MTUS1: variants seen among roughly 807,000 people sequenced by gnomAD.
The protein encoded by MTUS1 is microtubule-associated tumor suppressor 1.
A neutral mutation model predicts 120.8 loss-of-function variants in MTUS1; 109 were observed. The ratio of observed to expected loss-of-function variants is 0.90; its 90% CI spans 0.77 to 1.06. The LOEUF is 1.06. Among genes scored for constraint, MTUS1 ranks in the 50% least tolerant of loss-of-function variants. MTUS1 has a pLI of 0.00. For synonymous variants in MTUS1, 737 were observed against 550.5 expected (o/e 1.34, Z -4.74); for missense variants, 2,210 against 1,486.3 (o/e 1.49, Z -8.01).
intron 4 of MTUS1, chr8:17,721,800 G>A (rs1563266195): frequency 6.2e-7 from 1 of 1,614,164 alleles, no homozygotes; most frequent in Non-Finnish European, 8.5e-7. Flanking sequence ...TAGCATCATA[G>A]TGCCTCTCTG....
At chr8:17,750,651 T>C (rs6586641) in intron 2 of MTUS1, among the ~76,000 whole-genome samples, 97,068 of 152,036 alleles carry the variant, frequency 0.64, 33,245 homozygotes, top group Non-Finnish European at 0.76. Context: ...CCTGTTGTTA[T>C]TGGGAAGAGT....
At chr8:17,654,843 C>T (rs1163921190) in intron 9 of MTUS1, 177 bp from the exon 10 acceptor site, 3 of 590,172 alleles carry the variant, frequency 5.1e-6, no homozygotes, top group African/African-American at 1.9e-5. Context: ...AACCTCAGCA[C>T]TCTGGGAGGC....
At chr8:17,759,597 TTA>T (rs550552810) in intron 1 of MTUS1, among the ~76,000 whole-genome samples, 9 of 147,370 alleles carry the variant, frequency 6.1e-5, no homozygotes, top group Non-Finnish European at 1.0e-4. Context: ...TATGTATATT[TTA>T]TATATATATA....
chr8:17,713,468 G>A (rs987691307), intron 5 of MTUS1, among the ~76,000 whole-genome samples: 3 of 152,010 alleles, frequency 2.0e-5, no homozygotes, highest in African/African-American at 4.8e-5. Context: ...AGTATGATAT[G>A]AAGTCACCAC....
At chr8:17,711,472 C>G (rs1821293165) in intron 6 of MTUS1, among the ~76,000 whole-genome samples, 2 of 151,988 alleles carry the variant, frequency 1.3e-5, no homozygotes, top group East Asian at 3.9e-4. Flanking sequence ...TTCTGCAGCT[C>G]CCTCACCTCT....
intron 6 of MTUS1, among the ~76,000 whole-genome samples, chr8:17,702,063 C>A (rs1819206268): frequency 6.6e-6 from 1 of 152,080 alleles, no homozygotes; most frequent in Admixed American, 6.5e-5. Context: ...TAGGTTGTTT[C>A]CAATTTTCCC....
intron 1 of MTUS1, among the ~76,000 whole-genome samples, chr8:17,765,697 C>CACAG (rs1235388815): frequency 6.7e-6 from 1 of 149,970 alleles, no homozygotes; most frequent in African/African-American, 2.4e-5. Context: ...CACACACACA[C>CACAG]ACACACACAC....
intron 2 of MTUS1, among the ~76,000 whole-genome samples, chr8:17,747,431 A>G (rs928853326): frequency 2.6e-5 from 4 of 152,068 alleles, no homozygotes; most frequent in African/African-American, 9.7e-5. Flanking sequence ...CAACTTAGCA[A>G]TCAACATACC....
chr8:17,779,971 T>C (rs755325827), intron 1 of MTUS1, among the ~76,000 whole-genome samples: 7 of 152,108 alleles, frequency 4.6e-5, no homozygotes, highest in Non-Finnish European at 1.0e-4. Flanking sequence ...CTGACATGGG[T>C]TGGATGTGTG....
chr8:17,683,096 C>G (rs1032281985), intron 7 of MTUS1, among the ~76,000 whole-genome samples: 1 of 152,132 alleles, frequency 6.6e-6, no homozygotes, highest in Non-Finnish European at 1.5e-5. Context: ...CACAGTGAAA[C>G]CCCGTCTCTA....
intron 1 of MTUS1, among the ~76,000 whole-genome samples, chr8:17,793,065 T>G (rs555314678): frequency 6.6e-6 from 1 of 152,308 alleles, no homozygotes; most frequent in East Asian, 1.9e-4. Context: ...AATTCCTAAG[T>G]TGTACATACA....
intron 1 of MTUS1, among the ~76,000 whole-genome samples, chr8:17,778,542 T>G (rs1241542546): frequency 1.3e-5 from 2 of 152,126 alleles, no homozygotes. Context: ...GGAGGGCAGG[T>G]GTGGTGGCTC....
chr8:17,778,760 G>A (rs1234695732), intron 1 of MTUS1, among the ~76,000 whole-genome samples: 1 of 152,146 alleles, frequency 6.6e-6, no homozygotes, highest in African/African-American at 2.4e-5. Flanking sequence ...AGTGAGCTGA[G>A]ATAGCACCAC....
chr8:17,666,787 C>G (rs540232720), intron 8 of MTUS1, among the ~76,000 whole-genome samples: 1 of 152,146 alleles, frequency 6.6e-6, no homozygotes, highest in African/African-American at 2.4e-5. Context: ...GCTGCCTCTC[C>G]TTCTGTAATT....
At chr8:17,752,301 C>T (rs2048260244) in intron 2 of MTUS1, among the ~76,000 whole-genome samples, 1 of 152,108 alleles carries the variant, frequency 6.6e-6, no homozygotes, top group Admixed American at 6.5e-5. Flanking sequence ...AGAGAATAAA[C>T]ATCGTGTTTC....
chr8:17,780,034 T>C (rs977370620), intron 1 of MTUS1, among the ~76,000 whole-genome samples: 1 of 152,132 alleles, frequency 6.6e-6, no homozygotes, highest in African/African-American at 2.4e-5. Flanking sequence ...AGGTGGGGCC[T>C]GGTGGGAGAT....
In MTUS1 at chr8:17,792,040, T is replaced by C. The variant is rs549088063; in HGVS notation, c.-155+9021A>G. ...ATGGCTAATAGGAAAATCTCAGACA[T>C]GAACCCAATTTTGCCTGTTAAGTCT... On this transcript the variant is annotated intron_variant, in intron 1 of 14. Transcript: ENST00000693296. Among the ~76,000 whole-genome samples the C allele has an allele frequency of 2.0e-5, 3 of 152,282 alleles. 1 individual carries two copies. In the South Asian group the frequency reaches 6.2e-4, roughly 32 times the overall value.
chr8:17,764,165 T>G (rs373644515), intron 1 of MTUS1, among the ~76,000 whole-genome samples: 2 of 152,188 alleles, frequency 1.3e-5, no homozygotes, highest in African/African-American at 4.8e-5. Flanking sequence ...AAGAACTATG[T>G]CATTTTAGTC....
At chr8:17,715,726 G>C in intron 5 of MTUS1, 41 bp downstream of exon 5, 7 of 1,561,676 alleles carry the variant, frequency 4.5e-6, no homozygotes, top group Non-Finnish European at 5.2e-6. Context: ...AGGACTTTAA[G>C]CGTCTTGCCC....
Sources: gnomAD v4.1 joint callset for allele counts (sites outside exome capture counted in the v4.1 genomes callset) on GRCh38, gnomAD v4.1.1 for gene constraint, MANE v1.5 for transcripts, NCBI Gene and HGNC (gene_info 2026-07-23, HGNC 2026-07-21) for gene names.